The following MUC3A variants were observed in gnomAD, a reference collection of about 807,000 sequenced individuals.
MUC3A encodes mucin 3A, cell surface associated, also known as mucin-3A.
MUC3A carries 109 observed loss-of-function variants against 109.0 expected under a neutral mutation model. That is an observed-to-expected ratio of 1.00 (90% confidence interval 0.86 to 1.17). MUC3A has a LOEUF of 1.17. Among genes scored for constraint, MUC3A ranks in the 50% most tolerant of loss-of-function variants. The pLI is 0.00. For missense variants in MUC3A, 3,537 were observed against 2,469.4 expected (o/e 1.43, Z -9.16); for synonymous variants, 1,398 against 981.4 (o/e 1.42, Z -7.93).
intron 3 of MUC3A, among the ~76,000 whole-genome samples, chr7:100,961,955 T>A (rs1395330903): frequency 3.9e-5 from 6 of 152,266 alleles, no homozygotes; most frequent in African/African-American, 1.4e-4. Flanking sequence ...CAAAAAATTT[T>A]AAAAACTTAC....
In MUC3A at chr7:100,958,892, T is replaced by G. The variant is rs752261565; in HGVS notation, c.7113T>G (p.Ser2371Arg). The G allele has an allele frequency of 6.3e-7, 1 of 1,594,400 alleles. No homozygotes were observed. The highest frequency in any genetic ancestry group is 8.5e-7 in the Non-Finnish European group (1 of 1,177,284). Reference protein sequence around the residue: ...SITTTETTSHSTPSFSSSITT... With the variant: ...SITTTETTSHRTPSFSSSITT... ...CCACCACCGAGACCACCTCACACAG[T>G]ACTCCCAGCTTCAGTTCTTCAATCA... The change falls in exon 2 of 12, where the codon AGT becomes AGG. Residue 2371 changes from serine (S) to arginine (R), a missense_variant. Ser to Arg is a moderately radical substitution (Grantham distance 110, BLOSUM62 -1). Transcript: ENST00000379458.
At chr7:100,963,569 GC>G in intron 4 of MUC3A, 118 bp from the exon 5 acceptor site, 1 of 1,493,514 alleles carries the variant, frequency 6.7e-7, no homozygotes, top group East Asian at 2.3e-5. Context: ...ACAGGCGTGA[GC>G]CACGGCACCC....
rs779255587 is a variant in MUC3A at position 100,952,252 on chromosome 7, C to G, written c.473C>G (p.Thr158Ser). 1 of 1,598,392 alleles carries G rather than the reference C, an allele frequency of 6.3e-7. No homozygotes were observed. Among genetic ancestry groups the G allele is most frequent in the Non-Finnish European group, 8.5e-7 (1 of 1,179,786 alleles). ...CAGGTGGCCTTCACCAGCTCTTACA[C>G]CTCGACTCCCGTGACACAGAAGCCA... Reference protein sequence around the residue: ...TTQVAFTSSYTSTPVTQKPVT... With the variant: ...TTQVAFTSSYSSTPVTQKPVT... Residue 158 changes from threonine (T) to serine (S), a missense_variant, in exon 2 of 12, where the codon ACC becomes AGC. Transcript: ENST00000379458.
At chr7:100,962,095 A>G (rs1278205503) in intron 3 of MUC3A, among the ~76,000 whole-genome samples, 1 of 102,966 alleles carries the variant, frequency 9.7e-6, no homozygotes, top group Non-Finnish European at 2.2e-5. Flanking sequence ...AGCCGGGCGT[A>G]GTGGCGGGCG....
Position 100,967,456 on chromosome 7 carries a change from G to A in MUC3A, c.*294G>A, listed in dbSNP as rs1792640898. The A allele has an allele frequency of 1.7e-6, 1 of 583,280 alleles. No individual in the cohort carries two copies. Among genetic ancestry groups the A allele is most frequent in the Non-Finnish European group, 3.0e-6 (1 of 328,574 alleles). The allele number at this position is 583,280 out of a possible 1,614,324, so 36.1% of individuals were successfully genotyped here. On this transcript the variant is annotated 3_prime_UTR_variant, in exon 12 of 12. Transcript: ENST00000379458. Reference sequence around the variant, plus strand: ...ACAGCATTCCTGTATGATAGCTCACGCCGTTGTTGTGAAAACCACATAGAC... The same window carrying A: ...ACAGCATTCCTGTATGATAGCTCACACCGTTGTTGTGAAAACCACATAGAC...
chr7:100,957,931 C>G lies in MUC3A; in HGVS notation c.6152C>G (p.Thr2051Ser), dbSNP rs1458108237. Residue 2051 changes from threonine (T) to serine (S), a missense_variant, in exon 2 of 12, where the codon ACC becomes AGC. Coordinates refer to ENST00000379458, the MANE Select transcript of MUC3A (RefSeq NM_005960.2). ...TTCACTTCTTCGATCACCACCGAGA[C>G]CACATCCCACAGTACTCCCAGCTTC... ...PSFTSSITTETTSHSTPSFTS... is the reference protein window; with the variant it reads ...PSFTSSITTESTSHSTPSFTS... 1 of 486,802 alleles carries G rather than the reference C, an allele frequency of 2.1e-6. No homozygotes were observed. Among genetic ancestry groups the G allele is most frequent in the Non-Finnish European group, 3.4e-6 (1 of 290,658 alleles). The allele number at this position is 486,802 out of a possible 1,614,324, so 30.2% of individuals were successfully genotyped here.
Position 100,964,825 on chromosome 7 carries a change from A to G in MUC3A, c.9364A>G (p.Ser3122Gly). Residue 3122 changes from serine to glycine, a missense_variant, in exon 6 of 12, where the codon AGC (serine) becomes GGC (glycine). Coordinates refer to ENST00000379458, the MANE Select transcript of MUC3A (RefSeq NM_005960.2). ...GLQNASQDVN[S>G]CQDSQTLCFK... ...GCAGAACGCCAGCCAGGATGTGAAC[A>G]GCTGCCAGGACTCCCAGAGTGAGCC... 1 of 1,597,934 alleles carries G rather than the reference A, an allele frequency of 6.3e-7. No homozygotes were observed.
intron 1 of MUC3A, among the ~76,000 whole-genome samples, chr7:100,950,535 C>T (rs1584797119): frequency 7.0e-6 from 1 of 141,984 alleles, no homozygotes; most frequent in East Asian, 1.9e-4. Context: ...ACCCCACTTC[C>T]CTGGCACCCA....
chr7:100,958,544 C>T lies in MUC3A; in HGVS notation c.6765C>T (p.Ser2255=), dbSNP rs73398722. The part of the protein sequence containing the change: ...TTETTSHSTP[S]FTSSITTTET... ...AGACTACATCCCACAGTACTCCCAG[C>T]TTCACTTCTTCGATCACCACCACTG... Residue 2255 remains serine, a synonymous_variant, in exon 2 of 12, where the codon AGC becomes AGT. Transcript: ENST00000379458. 2 of 1,385,636 alleles carry T rather than the reference C, an allele frequency of 1.4e-6. No individual in the cohort carries two copies. The highest frequency in any genetic ancestry group is 3.4e-5 in the Admixed American group (2 of 59,386). The allele number at this position is 1,385,636 out of a possible 1,614,324, so 85.8% of individuals were successfully genotyped here. A position where few individuals can be genotyped will look rare whatever the true frequency, so the allele number is the denominator to read the frequency against.
At chr7:100,967,018 C>T in intron 11 of MUC3A, 67 bp downstream of exon 11, 1 of 1,598,520 alleles carries the variant, frequency 6.3e-7, no homozygotes, top group Admixed American at 1.7e-5. Flanking sequence ...CCTCCCCGAC[C>T]CCCACCAGGG....
At chr7:100,966,118 C>T (rs1276848301) in intron 8 of MUC3A, 1 of 630,594 alleles carries the variant, frequency 1.6e-6, no homozygotes, top group Non-Finnish European at 2.5e-6. Flanking sequence ...GGGTGGGGCC[C>T]CGCCTCCTCG....
rs765283969 is a variant in MUC3A at position 100,959,771 on chromosome 7, T to C, written c.7992T>C (p.Thr2664=). 39 of 1,597,766 alleles carry C rather than the reference T, an allele frequency of 2.4e-5. No individual in the cohort carries two copies. In the African/African-American group the frequency reaches 4.1e-4, roughly 17 times the overall value. ...STSEFTTESF[T]RGSTSTNAIL... is the part of the protein sequence containing the mutation. ...GTGAGTTCACTACAGAATCTTTCAC[T>C]AGGGGAAGTACGTCTACAAATGCAA... Residue 2664 remains threonine, a synonymous_variant, in exon 2 of 12, where the codon ACT becomes ACC. Coordinates refer to ENST00000379458, the MANE Select transcript of MUC3A (RefSeq NM_005960.2).
Position 100,965,838 on chromosome 7 carries a change from G to T in MUC3A, c.9583G>T (p.Val3195Phe), listed in dbSNP as rs773316501. The change falls in exon 8 of 12, where the codon GTT (valine) becomes TTT (phenylalanine). Residue 3195 changes from valine to phenylalanine, a missense_variant. Coordinates refer to ENST00000379458, the MANE Select transcript of MUC3A (RefSeq NM_005960.2). Reference protein sequence around the residue: ...NAIDCHQGQCVLETSGPTCRC... With the variant: ...NAIDCHQGQCFLETSGPTCRC... ...CATCGACTGTCACCAGGGCCAGTGC[G>T]TTCTGGAGACGAGCGGTCCCACGTG... 3.2e-5 allele frequency: 51 copies of T among 1,596,252 alleles called. No individual in the cohort carries two copies. In the Admixed American group the frequency reaches 5.4e-4, roughly 17 times the overall value.
chr7:100,966,836 TC>T, intron 10 of MUC3A, 62 bp from the exon 11 acceptor site: 2 of 1,598,290 alleles, frequency 1.3e-6, no homozygotes, highest in Middle Eastern at 1.7e-4. Context: ...ATTTACTCCG[TC>T]CCCCTCTCCC....
chr7:100,960,770 G>A lies in MUC3A; in HGVS notation c.8885G>A (p.Gly2962Asp). The A allele has an allele frequency of 3.1e-6, 5 of 1,597,744 alleles. No homozygotes were observed. The highest frequency in any genetic ancestry group is 1.3e-5 in the African/African-American group (1 of 75,054). Reference protein sequence around the residue: ...TTTAGTCDNGGTWEQGQCACL... With the variant: ...TTTAGTCDNGDTWEQGQCACL... ...TTTCCAGGCACCTGTGACAATGGTG[G>A]CACCTGGGAACAGGGCCAGTGTGCT... The change falls in exon 3 of 12, where the codon GGC becomes GAC. Residue 2962 changes from glycine to aspartate, a missense_variant. Transcript: ENST00000379458.
At chr7:100,962,674 T>C (rs1381659179) in intron 3 of MUC3A, among the ~76,000 whole-genome samples, 1 of 144,154 alleles carries the variant, frequency 6.9e-6, no homozygotes, top group South Asian at 2.2e-4. Flanking sequence ...TCTTTTCTTT[T>C]TTTCTTTCTC....
chr7:100,967,021 C>T, intron 11 of MUC3A, 70 bp downstream of exon 11: 1 of 1,598,484 alleles, frequency 6.3e-7, no homozygotes, highest in Non-Finnish European at 8.5e-7. Context: ...CCCCGACCCC[C>T]ACCAGGGCAG....
chr7:100,960,792 TG>T lies in MUC3A; in HGVS notation c.8908del (p.Ala2970LeufsTer48). The part of the protein sequence containing the change: ...NGGTWEQGQC[A>X]CLPGFSGDRC... The stretch of plus-strand genomic sequence containing the variant: ...GTGGCACCTGGGAACAGGGCCAGTG[TG>T]CTTGCCTTCCGGGGTTTTCTGGGGA... On this transcript the variant is annotated frameshift_variant, in exon 3 of 12. Coordinates refer to ENST00000379458, the MANE Select transcript of MUC3A (RefSeq NM_005960.2). LOFTEE classifies it high-confidence loss of function. 6.3e-7 allele frequency: 1 copy of T among 1,598,524 alleles called. No individual in the cohort carries two copies. Among genetic ancestry groups the T allele is most frequent in the Non-Finnish European group, 8.5e-7 (1 of 1,179,812 alleles).
In MUC3A at chr7:100,953,670, T is replaced by C; in HGVS notation, c.1891T>C (p.Ser631Pro). ...STESLTTAMT[S>P]PPITSSVTST... is the part of the protein sequence containing the mutation. ...AGAATCTCTCACAACAGCCATGACT[T>C]CTCCTCCCATCACTTCATCAGTCAC... Residue 631 changes from serine to proline, a missense_variant, in exon 2 of 12, where the codon TCT becomes CCT. Physicochemically the swap from Ser to Pro is moderately conservative, Grantham distance 74 (BLOSUM62 -1). Transcript: ENST00000379458. The C allele has an allele frequency of 2.9e-6, 1 of 340,946 alleles. No individual in the cohort carries two copies. The highest frequency in any genetic ancestry group is 5.0e-6 in the Non-Finnish European group (1 of 199,890). The allele number at this position is 340,946 out of a possible 1,614,324, so 21.1% of individuals were successfully genotyped here. A position where few individuals can be genotyped will look rare whatever the true frequency, so the allele number is the denominator to read the frequency against.
Sources: gnomAD v4.1 joint callset for allele counts (sites outside exome capture counted in the v4.1 genomes callset) on GRCh38, gnomAD v4.1.1 for gene constraint, MANE v1.5 for transcripts, NCBI Gene and HGNC (gene_info 2026-07-23, HGNC 2026-07-21) for gene names.